DLG2: variants seen among roughly 807,000 people sequenced by gnomAD.
DLG2 encodes disks large homolog 2.
DLG2 carries 45 observed loss-of-function variants against 132.5 expected under a neutral mutation model. The observed-to-expected ratio is 0.34, with a 90% confidence interval of 0.27 to 0.44. The LOEUF is 0.44. DLG2 is among the 20% of genes least tolerant of loss of function. The pLI, the probability that DLG2 is intolerant of heterozygous loss-of-function variation, is 1.00. For synonymous variants in DLG2, 424 were observed against 419.6 expected, an observed-to-expected ratio of 1.01 and a Z score of -0.13; for missense variants, 1,045 against 1,196.9, an observed-to-expected ratio of 0.87 and a Z score of 1.87.
chr11:85,431,984 C>G (rs985877294), intron 3 of DLG2, among the ~76,000 whole-genome samples: 5 of 152,186 alleles, frequency 3.3e-5, no homozygotes, highest in Admixed American at 2.0e-4. Flanking sequence ...TTGCTGTTCT[C>G]CAGCCCCATC....
intron 6 of DLG2, among the ~76,000 whole-genome samples, chr11:84,536,191 A>G (rs2099355221): frequency 6.6e-6 from 1 of 152,136 alleles, no homozygotes; most frequent in Non-Finnish European, 1.5e-5. Flanking sequence ...AACTCTCACA[A>G]ACTTGTTCCA....
chr11:85,580,942 T>A (rs2078472462), intron 3 of DLG2, among the ~76,000 whole-genome samples: 1 of 152,220 alleles, frequency 6.6e-6, no homozygotes, highest in African/African-American at 2.4e-5. Flanking sequence ...TCTACCCTGT[T>A]CTGTGCCCCA....
At chr11:84,269,644 C>T (rs556758142) in intron 7 of DLG2, among the ~76,000 whole-genome samples, 14 of 152,226 alleles carry the variant, frequency 9.2e-5, no homozygotes, top group African/African-American at 2.4e-4. Context: ...CTTAATAAGC[C>T]GCATAACCTT....
intron 6 of DLG2, among the ~76,000 whole-genome samples, chr11:84,995,903 C>T (rs2057606725): frequency 6.6e-6 from 1 of 152,136 alleles, no homozygotes; most frequent in South Asian, 2.1e-4. Flanking sequence ...TTCATTCATT[C>T]TCTCTGCTTA....
intron 7 of DLG2, among the ~76,000 whole-genome samples, chr11:84,307,651 G>A (rs1022321572): frequency 6.9e-6 from 1 of 145,030 alleles, no homozygotes; most frequent in East Asian, 2.0e-4. Context: ...AGCCGAGATC[G>A]CGCCACTGCA....
chr11:85,418,914 G>A (rs2090077692), intron 3 of DLG2, among the ~76,000 whole-genome samples: 1 of 152,106 alleles, frequency 6.6e-6, no homozygotes, highest in African/African-American at 2.4e-5. Flanking sequence ...TTTAATTGGG[G>A]CATTTAGCCC....
At chr11:84,085,489 T>G (rs898785411) in intron 10 of DLG2, among the ~76,000 whole-genome samples, 1 of 152,160 alleles carries the variant, frequency 6.6e-6, no homozygotes, top group African/African-American at 2.4e-5. Context: ...AACAAAGCAT[T>G]GATTTCCTGG....
intron 6 of DLG2, among the ~76,000 whole-genome samples, chr11:84,853,065 G>C (rs957468541): frequency 6.6e-6 from 1 of 151,982 alleles, no homozygotes; most frequent in African/African-American, 2.4e-5. Flanking sequence ...TGAGAATCCA[G>C]TAAAGAAGGA....
intron 3 of DLG2, among the ~76,000 whole-genome samples, chr11:85,558,425 C>A (rs2077048070): frequency 6.6e-6 from 1 of 151,936 alleles, no homozygotes; most frequent in Non-Finnish European, 1.5e-5. Context: ...TTTGACCCAG[C>A]AATCCCACTA....
At chr11:84,949,557 C>T (rs1283483480) in intron 6 of DLG2, among the ~76,000 whole-genome samples, 1 of 152,084 alleles carries the variant, frequency 6.6e-6, no homozygotes, top group Non-Finnish European at 1.5e-5. Context: ...AGACCTACCC[C>T]TAGGTGCGCA....
rs531291749 is a variant in DLG2, at chr11:83,530,382, G to A, written c.2193+2326C>T. ...AATAGAAAGGGCAGTGCTATGATTC[G>A]GGCCTCAAAATCCCTGAGAAATTAT... On this transcript the variant is annotated intron_variant, in intron 21 of 27. Coordinates refer to ENST00000376104, the MANE Select transcript of DLG2 (RefSeq NM_001142699.3). 3.1e-4 allele frequency among the ~76,000 whole-genome samples: 47 copies of A among 151,840 alleles called. No homozygotes were observed. In the South Asian group the frequency reaches 4.8e-3, roughly 15 times the overall value.
chr11:85,403,349 G>C (rs2088378495), intron 3 of DLG2, among the ~76,000 whole-genome samples: 1 of 152,050 alleles, frequency 6.6e-6, no homozygotes, highest in Non-Finnish European at 1.5e-5. Context: ...CAGTTGGTGG[G>C]GGCTGGGGGA....
intron 6 of DLG2, among the ~76,000 whole-genome samples, chr11:85,028,028 G>C (rs570353588): frequency 6.6e-6 from 1 of 152,310 alleles, no homozygotes; most frequent in East Asian, 1.9e-4. Flanking sequence ...AGGCGGAGAG[G>C]AGACAGAACA....
chr11:85,383,549 C>T (rs1410661274), intron 3 of DLG2, among the ~76,000 whole-genome samples: 1 of 152,160 alleles, frequency 6.6e-6, no homozygotes, highest in Non-Finnish European at 1.5e-5. Context: ...AGGAGTTCTA[C>T]ATCAAAACGG....
At chr11:83,745,892 A>G (rs934094716) in intron 18 of DLG2, among the ~76,000 whole-genome samples, 4 of 152,320 alleles carry the variant, frequency 2.6e-5, no homozygotes, top group Admixed American at 2.6e-4. Context: ...GAAGAAAAAA[A>G]CAACTCCATC....
At chr11:85,330,793 A>AAAAAAAAAAAAAAAAAAAG (rs1565332908) in intron 3 of DLG2, among the ~76,000 whole-genome samples, 1 of 20,692 alleles carries the variant, frequency 4.8e-5, no homozygotes, top group Non-Finnish European at 8.7e-5. Context: ...AAAAAAAATT[A>AAAAAAAAAAAAAAAAAAAG]AAAAAAAAAA....
At chr11:84,521,651 T>A (rs1204281337) in intron 7 of DLG2, among the ~76,000 whole-genome samples, 1 of 152,202 alleles carries the variant, frequency 6.6e-6, no homozygotes, top group African/African-American at 2.4e-5. Flanking sequence ...AAGCAAGGTA[T>A]CATCTTGTAT....
intron 2 of DLG2, among the ~76,000 whole-genome samples, chr11:85,604,633 G>GAAA (rs1349936890): frequency 2.1e-5 from 3 of 144,100 alleles, no homozygotes; most frequent in African/African-American, 7.6e-5. Flanking sequence ...GAGTCTACAG[G>GAAA]AAAAAAAAAA....
At chr11:85,572,164 T>C (rs568037465) in intron 3 of DLG2, among the ~76,000 whole-genome samples, 139 of 152,308 alleles carry the variant, frequency 9.1e-4, no homozygotes, top group South Asian at 4.3e-3. Context: ...TATTTGCTTT[T>C]ATGGAGGGGT....
Sources: allele counts gnomAD v4.1 joint callset (sites outside exome capture counted in the v4.1 genomes callset), GRCh38; gene constraint gnomAD v4.1.1; transcripts MANE v1.5; gene names NCBI Gene and HGNC (gene_info 2026-07-23, HGNC 2026-07-21).